The following SLC68A1 variants were observed in gnomAD, a reference collection of about 807,000 sequenced individuals.
SLC68A1 encodes solute carrier family 68 member 1.
the SLC68A1 span, among the ~76,000 whole-genome samples, chr10:102,463,410 A>AT: frequency 6.6e-6 from 1 of 152,114 alleles, no homozygotes; most frequent in African/African-American, 2.4e-5. Context: ...TGACCTCGTG[A>AT]TTCGCCCGCG....
the SLC68A1 span, chr10:102,473,683 C>T: frequency 6.2e-7 from 1 of 1,614,048 alleles, no homozygotes; most frequent in Admixed American, 1.7e-5. Context: ...GGGACTTAGC[C>T]TGCTCATGTT....
At chr10:102,473,612 T>A in the SLC68A1 span, 16 of 1,613,688 alleles carry the variant, frequency 9.9e-6, no homozygotes, top group Non-Finnish European at 1.3e-5. Context: ...CTCTACTTCC[T>A]GTCCCTGTGC....
the SLC68A1 span, chr10:102,473,975 C>T: frequency 4.3e-6 from 7 of 1,610,596 alleles, no homozygotes; most frequent in Non-Finnish European, 5.9e-6. Flanking sequence ...AGACCTTTGC[C>T]CCGCTGCTGG....
the SLC68A1 span, chr10:102,469,920 C>A: frequency 1.3e-6 from 2 of 1,543,858 alleles, no homozygotes; most frequent in South Asian, 1.2e-5. Flanking sequence ...GGGTGGTGAG[C>A]AGGCTGAGGG....
the SLC68A1 span, among the ~76,000 whole-genome samples, chr10:102,466,710 G>A: frequency 3.3e-5 from 5 of 152,078 alleles, no homozygotes; most frequent in African/African-American, 1.2e-4. Flanking sequence ...GGGGAGGCTG[G>A]GGACCTTGTG....
the SLC68A1 span, among the ~76,000 whole-genome samples, chr10:102,463,234 G>A: frequency 4.7e-5 from 7 of 150,142 alleles, no homozygotes; most frequent in Admixed American, 4.7e-4. Flanking sequence ...GTGCAGTGGC[G>A]CGATTTCGGC....
the SLC68A1 span, chr10:102,468,974 G>T: frequency 6.6e-7 from 1 of 1,513,518 alleles, no homozygotes; most frequent in Non-Finnish European, 9.0e-7. Context: ...TGGGAAGACC[G>T]CCTGTGGCCA....
chr10:102,476,002 C>T, the SLC68A1 span: 3 of 1,524,584 alleles, frequency 2.0e-6, no homozygotes, highest in Non-Finnish European at 2.7e-6. Flanking sequence ...GGCAAGGTCA[C>T]CCCACTGAGG....
At chr10:102,470,968 C>T in the SLC68A1 span, 19 of 1,613,332 alleles carry the variant, frequency 1.2e-5, no homozygotes, top group Admixed American at 2.3e-4. Flanking sequence ...CCTTTTGGAA[C>T]AAGGAGGATT....
the SLC68A1 span, chr10:102,468,972 C>A: frequency 1.3e-6 from 2 of 1,501,280 alleles, no homozygotes; most frequent in Non-Finnish European, 1.8e-6. Flanking sequence ...GATGGGAAGA[C>A]CGCCTGTGGC....
chr10:102,476,572 G>A, the SLC68A1 span: 1 of 985,944 alleles, frequency 1.0e-6, no homozygotes, highest in Non-Finnish European at 1.2e-6. Context: ...ACATGGCAGC[G>A]GGTAGCTCCT....
chr10:102,466,323 A>T, the SLC68A1 span, among the ~76,000 whole-genome samples: 4 of 151,834 alleles, frequency 2.6e-5, no homozygotes, highest in Non-Finnish European at 4.4e-5. Flanking sequence ...ATCTCTACAA[A>T]AATACAAAAA....
the SLC68A1 span, chr10:102,466,151 C>T: frequency 6.6e-6 from 1 of 152,164 alleles, no homozygotes; most frequent in Non-Finnish European, 1.5e-5. Context: ...CTCTGTGCTT[C>T]CTGGACATTT....
chr10:102,474,108 C>T, the SLC68A1 span: 325 of 1,335,182 alleles, frequency 2.4e-4, no homozygotes, highest in East Asian at 2.8e-3. Context: ...GGTCCAGTGA[C>T]GGAAGGTGGC....
At chr10:102,475,821 G>A in the SLC68A1 span, 14 of 1,613,950 alleles carry the variant, frequency 8.7e-6, no homozygotes, top group East Asian at 4.5e-5. Flanking sequence ...CCGACGCTCC[G>A]CCAGGGCTGC....
the SLC68A1 span, among the ~76,000 whole-genome samples, chr10:102,469,447 T>C: frequency 6.6e-6 from 1 of 152,186 alleles, no homozygotes; most frequent in South Asian, 2.1e-4. Context: ...ATATATAATA[T>C]GTTCACGTAT....
the SLC68A1 span, chr10:102,468,590 C>G: frequency 2.6e-5 from 4 of 153,900 alleles, no homozygotes; most frequent in Non-Finnish European, 4.3e-5. Flanking sequence ...TGGCGTGAAT[C>G]CGGGAGGTGG....
At chr10:102,469,766 C>G in the SLC68A1 span, 4 of 853,414 alleles carry the variant, frequency 4.7e-6, no homozygotes, top group African/African-American at 7.3e-5. Context: ...AGGCTGGTCT[C>G]AAACTCCTGA....
chr10:102,473,112 C>CTGTAATT, the SLC68A1 span: 1 of 656,014 alleles, frequency 1.5e-6, no homozygotes, highest in Non-Finnish European at 2.7e-6. Flanking sequence ...AGGTGTGAGC[C>CTGTAATT]ACTGCGCCCA....
Sources: allele counts gnomAD v4.1 joint callset (sites outside exome capture counted in the v4.1 genomes callset), GRCh38; gene constraint gnomAD v4.1.1; transcripts MANE v1.5; gene names NCBI Gene and HGNC (gene_info 2026-07-23, HGNC 2026-07-21).